NUP210L: variants seen among roughly 807,000 people sequenced by gnomAD.
The protein encoded by NUP210L is nuclear pore membrane glycoprotein 210-like.
A neutral mutation model predicts 208.5 loss-of-function variants in NUP210L; 74 were observed. The observed-to-expected ratio is 0.35, with a 90% CI of 0.29 to 0.43. The LOEUF (loss-of-function observed/expected upper bound fraction) is 0.43, where lower values mean the gene tolerates loss of function less well. Among genes scored for constraint, NUP210L ranks in the 20% least tolerant of loss-of-function variants. The pLI is 1.00. For missense variants in NUP210L, 1,843 were observed against 2,289.4 expected, an observed-to-expected ratio of 0.81 and a Z score of 3.98; for synonymous variants, 780 against 816.9, an observed-to-expected ratio of 0.95 and a Z score of 0.77.
At chr1:154,006,946 GTATATA>G (rs1553219854) in intron 35 of NUP210L, among the ~76,000 whole-genome samples, 2 of 95,444 alleles carry the variant, frequency 2.1e-5, no homozygotes, top group African/African-American at 7.9e-5. Context: ...GTGTGTGTGT[GTATATA>G]TATATATATA....
rs1318445786 is a variant in NUP210L at position 154,057,167 on chromosome 1, C to CG, written c.3108-221dup. On this transcript the variant is annotated intron_variant, in intron 22 of 39. Coordinates refer to ENST00000368559, the Ensembl canonical transcript of NUP210L. The stretch of plus-strand genomic sequence containing the variant: ...CTAATTCTCTTATTTTTTGTAGAGC[C>CG]GGGGTCTCACTGTGTTGCCCAGGCT... Among the ~76,000 whole-genome samples the CG allele has an allele frequency of 3.9e-5, 6 of 152,066 alleles. No individual in the cohort carries two copies. The East Asian group carries it at 1.2e-3, about 29-fold the overall frequency.
chr1:154,151,263 T>G (rs1273792340), intron 2 of NUP210L, among the ~76,000 whole-genome samples: 1 of 124,282 alleles, frequency 8.0e-6, no homozygotes, highest in Non-Finnish European at 1.6e-5. Flanking sequence ...TTCTTATGTT[T>G]GAGACTATCA....
exon 17 of NUP210L, chr1:154,070,444 C>T (rs1421152144): frequency 6.3e-7 from 1 of 1,583,018 alleles, no homozygotes; most frequent in African/African-American, 1.4e-5. Context: ...AGGACTGTGT[C>T]CCTCAGTCTT....
intron 25 of NUP210L, among the ~76,000 whole-genome samples, chr1:154,053,449 A>C (rs1321807204): frequency 1.3e-5 from 2 of 152,352 alleles, no homozygotes; most frequent in Non-Finnish European, 2.9e-5. Flanking sequence ...AAATCTGGCC[A>C]TAAACTGGCC....
At chr1:154,153,286 A>C (rs1659492953) in intron 1 of NUP210L, among the ~76,000 whole-genome samples, 1 of 152,068 alleles carries the variant, frequency 6.6e-6, no homozygotes, top group Non-Finnish European at 1.5e-5. Flanking sequence ...AAAATACCAA[A>C]AACATTCATA....
chr1:154,127,321 T>C (rs1389713439), exon 9 of NUP210L: 3 of 1,544,486 alleles, frequency 1.9e-6, no homozygotes, highest in African/African-American at 1.4e-5. Context: ...ATCTGAAATA[T>C]AGACCTTTGT....
chr1:154,098,588 G>A (rs528969229), intron 14 of NUP210L, among the ~76,000 whole-genome samples: 2 of 152,294 alleles, frequency 1.3e-5, no homozygotes, highest in South Asian at 2.1e-4. Context: ...AGGCCCTGGA[G>A]TTGGTAGCTC....
Position 154,136,935 on chromosome 1 carries a change from A to AAG in NUP210L, c.851-964_851-963insCT, listed in dbSNP as rs1248176995. 2.0e-5 allele frequency among the ~76,000 whole-genome samples: 3 copies of AAG among 151,348 alleles called. No homozygotes were observed. The East Asian group carries it at 5.8e-4, about 29-fold the overall frequency. On this transcript the variant is annotated intron_variant, in intron 6 of 39. Transcript: ENST00000368559. ...AATCCATCTCAAAAAAAAAAAAAAA[A>AAG]AAAAAGCTCAATGTAACTTTTAGTA...
At chr1:154,025,993 C>T (rs1408436952) in intron 29 of NUP210L, among the ~76,000 whole-genome samples, 5 of 151,526 alleles carry the variant, frequency 3.3e-5, no homozygotes, top group African/African-American at 7.3e-5. Flanking sequence ...GAGGCCAAGG[C>T]GGGAGGATCA....
intron 30 of NUP210L, among the ~76,000 whole-genome samples, chr1:154,024,694 T>TC (rs1002354665): frequency 1.3e-5 from 2 of 150,700 alleles, no homozygotes; most frequent in African/African-American, 4.9e-5. Context: ...GGCTATTTTT[T>TC]TTTTTTTTTC....
At chr1:154,025,670 T>C in exon 30 of NUP210L, 1 of 1,613,792 alleles carries the variant, frequency 6.2e-7, no homozygotes, top group Non-Finnish European at 8.5e-7. Context: ...ACGGATGAAT[T>C]AGGGAAACAC....
At chr1:154,113,612 C>T (rs1034723225) in intron 12 of NUP210L, among the ~76,000 whole-genome samples, 2 of 152,106 alleles carry the variant, frequency 1.3e-5, no homozygotes, top group Admixed American at 6.6e-5. Context: ...GTAATCCCAG[C>T]ATTTTGGGAG....
At chr1:154,081,060 T>A (rs183435146) in intron 16 of NUP210L, among the ~76,000 whole-genome samples, 3 of 150,344 alleles carry the variant, frequency 2.0e-5, no homozygotes, top group Admixed American at 2.0e-4. Flanking sequence ...ATATGACATA[T>A]AGAAAACAAA....
exon 19 of NUP210L, chr1:154,060,982 A>T (rs1257535133): frequency 1.9e-6 from 3 of 1,613,828 alleles, no homozygotes; most frequent in Non-Finnish European, 2.5e-6. Flanking sequence ...ATTCTCAGGC[A>T]CTACAGTTAC....
rs1178581425 is a variant in NUP210L, at chr1:154,144,119, T to C, written c.341-542A>G. 5.3e-5 allele frequency among the ~76,000 whole-genome samples: 8 copies of C among 152,090 alleles called. No homozygotes were observed. In the East Asian group the frequency reaches 1.5e-3, roughly 29 times the overall value. On this transcript the variant is annotated intron_variant, in intron 2 of 39. Coordinates refer to ENST00000368559, the Ensembl canonical transcript of NUP210L. ...AGGTGTGAACCCAGGAGACAGAGGTTGTAGGGAGTCGAGATCACGCCACTG... is the reference window on the plus strand; with the variant it reads ...AGGTGTGAACCCAGGAGACAGAGGTCGTAGGGAGTCGAGATCACGCCACTG...
intron 30 of NUP210L, 129 bp downstream of exon 30, chr1:154,025,408 ATTCTT>A (rs914577736): frequency 4.7e-5 from 20 of 423,900 alleles, no homozygotes; most frequent in Non-Finnish European, 6.7e-5. Flanking sequence ...GAAGTTTCTA[ATTCTT>A]TTCTTTTTCT....
intron 2 of NUP210L, among the ~76,000 whole-genome samples, chr1:154,147,272 A>C (rs949160570): frequency 6.6e-6 from 1 of 152,200 alleles, no homozygotes; most frequent in African/African-American, 2.4e-5. Context: ...TTTTTCCCTG[A>C]AAATCATAAC....
Position 154,023,371 on chromosome 1 carries a change from T to C in NUP210L, c.4123-74A>G, listed in dbSNP as rs1651676751. ...TGCTGCAACCATATTCTGAGACTTA[T>C]AATCAATGATAAAGAGTGATGTTTC... is the stretch of plus-strand genomic sequence containing the variant. On this transcript the variant is annotated intron_variant, in intron 30 of 39. Coordinates refer to ENST00000368559, the Ensembl canonical transcript of NUP210L. 6.1e-6 allele frequency: 7 copies of C among 1,143,278 alleles called. No homozygotes were observed. In the South Asian group the frequency reaches 6.3e-5, roughly 10 times the overall value. The allele number at this position is 1,143,278 out of a possible 1,614,324, so 70.8% of individuals were successfully genotyped here.
chr1:154,066,542 C>T (rs1444956943), intron 17 of NUP210L, among the ~76,000 whole-genome samples: 3 of 152,092 alleles, frequency 2.0e-5, no homozygotes, highest in East Asian at 1.9e-4. Context: ...ACCCGGGAGG[C>T]GAAGCTTGCA....
Sources: allele counts gnomAD v4.1 joint callset (sites outside exome capture counted in the v4.1 genomes callset), GRCh38; gene constraint gnomAD v4.1.1; transcripts MANE v1.5; gene names NCBI Gene and HGNC (gene_info 2026-07-23, HGNC 2026-07-21).